The following ROBO1 variants were observed in gnomAD, a reference collection of about 807,000 sequenced individuals.
ROBO1 encodes roundabout homolog 1.
Under a neutral mutation model 195.9 loss-of-function variants are expected in ROBO1, and 149 were observed. That is an observed-to-expected ratio of 0.76 (90% confidence interval 0.67 to 0.87). The LOEUF (loss-of-function observed/expected upper bound fraction) is 0.87, where lower values mean the gene tolerates loss of function less well. ROBO1 is among the 40% of genes least tolerant of loss of function. The pLI is 0.00. For synonymous variants in ROBO1, 816 were observed against 733.2 expected, an observed-to-expected ratio of 1.11 and a Z score of -1.82; for missense variants, 1,933 against 2,068.3, an observed-to-expected ratio of 0.93 and a Z score of 1.27.
intron 2 of ROBO1, among the ~76,000 whole-genome samples, chr3:79,202,441 T>A (rs2081783827): frequency 6.6e-6 from 1 of 151,938 alleles, no homozygotes; most frequent in Non-Finnish European, 1.5e-5. Flanking sequence ...ATGAGAAAAA[T>A]TCACTCTTTG....
chr3:79,536,426 C>A (rs1941866057), intron 2 of ROBO1, among the ~76,000 whole-genome samples: 1 of 151,974 alleles, frequency 6.6e-6, no homozygotes, highest in Non-Finnish European at 1.5e-5. Flanking sequence ...CGCTTTCTGT[C>A]AATAGATTGA....
At chr3:78,669,046 TA>T (rs1707902597) in intron 11 of ROBO1, among the ~76,000 whole-genome samples, 1 of 152,194 alleles carries the variant, frequency 6.6e-6, no homozygotes, top group Non-Finnish European at 1.5e-5. Context: ...ATTTTTTTCT[TA>T]AACTACTGAC....
At chr3:79,255,177 C>A (rs1469643633) in intron 2 of ROBO1, among the ~76,000 whole-genome samples, 1 of 152,014 alleles carries the variant, frequency 6.6e-6, no homozygotes, top group Non-Finnish European at 1.5e-5. Flanking sequence ...CATAGCAAGA[C>A]CCTGTCTCTA....
intron 2 of ROBO1, among the ~76,000 whole-genome samples, chr3:79,446,585 A>C (rs900004331): frequency 6.6e-6 from 1 of 152,172 alleles, no homozygotes; most frequent in Non-Finnish European, 1.5e-5. Context: ...TTTTTGGGGA[A>C]CATCTGTTTA....
intron 2 of ROBO1, among the ~76,000 whole-genome samples, chr3:79,498,855 GAA>G (rs1314471629): frequency 2.0e-5 from 3 of 147,198 alleles, no homozygotes; most frequent in Non-Finnish European, 4.5e-5. Context: ...CTTTGCCTCA[GAA>G]AAAAAGAAAA....
At chr3:78,888,605 C>T (rs770306880) in intron 4 of ROBO1, among the ~76,000 whole-genome samples, 4 of 152,116 alleles carry the variant, frequency 2.6e-5, no homozygotes, top group Non-Finnish European at 5.9e-5. Context: ...AGCAAACAAA[C>T]GATTATAGAA....
chr3:79,382,448 T>G (rs1367031910), intron 2 of ROBO1, among the ~76,000 whole-genome samples: 2 of 152,126 alleles, frequency 1.3e-5, no homozygotes, highest in East Asian at 1.9e-4. Context: ...TGACAAGATA[T>G]TCAAGAGTCT....
intron 4 of ROBO1, among the ~76,000 whole-genome samples, chr3:78,754,589 C>CA (rs2082880242): frequency 6.6e-6 from 1 of 152,144 alleles, no homozygotes; most frequent in Admixed American, 6.5e-5. Context: ...ATCCAAGACA[C>CA]AGGAGGTATC....
intron 4 of ROBO1, among the ~76,000 whole-genome samples, chr3:78,860,716 C>A (rs893184112): frequency 6.6e-6 from 1 of 152,012 alleles, no homozygotes; most frequent in Non-Finnish European, 1.5e-5. Flanking sequence ...TTAGCCCATG[C>A]GAGAACCTTC....
At chr3:79,174,388 A>G (rs1361235570) in intron 2 of ROBO1, among the ~76,000 whole-genome samples, 3 of 151,944 alleles carry the variant, frequency 2.0e-5, no homozygotes, top group African/African-American at 7.3e-5. Flanking sequence ...AACCCACCAC[A>G]AGGAAGAAAC....
chr3:79,329,090 A>G (rs1372420256), intron 2 of ROBO1, among the ~76,000 whole-genome samples: 1 of 152,196 alleles, frequency 6.6e-6, no homozygotes, highest in African/African-American at 2.4e-5. Flanking sequence ...TGGCTAGGCC[A>G]TTTCACAGTT....
intron 1 of ROBO1, among the ~76,000 whole-genome samples, chr3:79,690,992 T>C (rs1282958228): frequency 6.6e-6 from 1 of 151,966 alleles, no homozygotes; most frequent in Non-Finnish European, 1.5e-5. Flanking sequence ...ATTCTTTTCA[T>C]GGTAAATTTC....
intron 2 of ROBO1, among the ~76,000 whole-genome samples, chr3:79,365,727 C>T (rs936136160): frequency 1.3e-5 from 2 of 152,018 alleles, no homozygotes; most frequent in African/African-American, 2.4e-5. Context: ...GAAACCCCGT[C>T]TCTACTAAAA....
At chr3:79,433,500 G>A (rs1427974231) in intron 2 of ROBO1, among the ~76,000 whole-genome samples, 2 of 151,964 alleles carry the variant, frequency 1.3e-5, no homozygotes, top group Non-Finnish European at 2.9e-5. Flanking sequence ...CTAGACTCAA[G>A]CAATCCTTCT....
intron 1 of ROBO1, among the ~76,000 whole-genome samples, chr3:79,681,888 T>C (rs1265067974): frequency 2.0e-5 from 3 of 152,090 alleles, no homozygotes; most frequent in Non-Finnish European, 4.4e-5. Flanking sequence ...TTTTTATTTA[T>C]GTTTGTATGC....
intron 4 of ROBO1, among the ~76,000 whole-genome samples, chr3:78,803,577 C>G (rs1347968490): frequency 1.3e-5 from 2 of 152,022 alleles, no homozygotes; most frequent in East Asian, 3.9e-4. Flanking sequence ...TTTTAATCTT[C>G]TAAACAACAT....
chr3:79,362,235 G>A (rs2035798268), intron 2 of ROBO1, among the ~76,000 whole-genome samples: 1 of 152,050 alleles, frequency 6.6e-6, no homozygotes, highest in South Asian at 2.1e-4. Flanking sequence ...CCTCAGAAGG[G>A]AAAGCGACAA....
In ROBO1 at chr3:79,079,134, A is replaced by G. The variant is rs538358263; in HGVS notation, c.172+46322T>C. 3.9e-5 allele frequency among the ~76,000 whole-genome samples: 6 copies of G among 151,902 alleles called. No individual in the cohort carries two copies. The South Asian group carries it at 6.2e-4, about 16-fold the overall frequency. On this transcript the variant is annotated intron_variant, in intron 3 of 30. Transcript: ENST00000464233. ...ATGACATTTGATCTGGAGATAATTA[A>G]TACTTAACTCTTGTCAAATAACACC...
rs729052 is a variant in ROBO1, at chr3:79,289,562, T to C, written c.89-164023A>G. Among the ~76,000 whole-genome samples, 709 of 152,318 alleles carry C rather than the reference T, an allele frequency of 4.7e-3. 5 individuals are homozygous for C. Among genetic ancestry groups the C allele is most frequent in the African/African-American group, 0.016 (680 of 41,560 alleles). On this transcript the variant is annotated intron_variant, in intron 2 of 30. Coordinates refer to ENST00000464233, the MANE Select transcript of ROBO1 (RefSeq NM_002941.4). ...AGGCACAGTTGTAGCTCCTTCCACC[T>C]AGAGAGATGTAAGCTTGGGCTTGAT...
Sources: gnomAD v4.1 joint callset for allele counts (sites outside exome capture counted in the v4.1 genomes callset) on GRCh38, gnomAD v4.1.1 for gene constraint, MANE v1.5 for transcripts, NCBI Gene and HGNC (gene_info 2026-07-23, HGNC 2026-07-21) for gene names.